The following PTPRT variants were observed in gnomAD, a reference collection of about 807,000 sequenced individuals.
The protein encoded by PTPRT is receptor-type tyrosine-protein phosphatase T.
In PTPRT, 56 loss-of-function variants were observed where a neutral mutation model predicts 176.8. The observed-to-expected ratio is 0.32, with a 90% CI of 0.26 to 0.40. The LOEUF is 0.40. Ranked by LOEUF, PTPRT falls within the 10% of genes least tolerant of loss-of-function variation. The pLI is 1.00. For synonymous variants in PTPRT, 783 were observed against 739.0 expected (o/e 1.06, Z -0.96); for missense variants, 1,540 against 1,908.2 (o/e 0.81, Z 3.60).
At chr20:42,470,507 A>T (rs1295126468) in intron 8 of PTPRT, among the ~76,000 whole-genome samples, 1 of 152,098 alleles carries the variant, frequency 6.6e-6, no homozygotes, top group Non-Finnish European at 1.5e-5. Flanking sequence ...TCTGAGTCTG[A>T]TTCTCAGGAA....
intron 1 of PTPRT, among the ~76,000 whole-genome samples, chr20:43,009,215 A>C (rs541585509): frequency 2.2e-4 from 33 of 152,196 alleles, no homozygotes; most frequent in Non-Finnish European, 4.3e-4. Context: ...ACTGAAAAAA[A>C]AGACTAAACA....
Position 42,801,678 on chromosome 20 carries a change from T to TG in PTPRT, c.215-10213dup, listed in dbSNP as rs1308631864. Reference sequence around the variant, plus strand: ...ACAAGGCAAGAACCCAGACTTGATTTGGGGGAAGAAGTATAAAAAGAAAAC... The same window carrying TG: ...ACAAGGCAAGAACCCAGACTTGATTTGGGGGGAAGAAGTATAAAAAGAAAAC... On this transcript the variant is annotated intron_variant, in intron 2 of 30. Coordinates refer to ENST00000373187, the MANE Select transcript of PTPRT (RefSeq NM_007050.6). Among the ~76,000 whole-genome samples the TG allele has an allele frequency of 2.0e-5, 3 of 152,088 alleles. No homozygotes were observed. The South Asian group carries it at 6.2e-4, about 32-fold the overall frequency.
intron 1 of PTPRT, among the ~76,000 whole-genome samples, chr20:43,106,828 T>G (rs1031209661): frequency 2.0e-5 from 3 of 152,132 alleles, no homozygotes; most frequent in Non-Finnish European, 4.4e-5. Flanking sequence ...TTCGCTCTTG[T>G]TGCCTAGGCT....
intron 11 of PTPRT, among the ~76,000 whole-genome samples, chr20:42,319,873 C>CA (rs1035487019): frequency 6.6e-6 from 1 of 152,046 alleles, no homozygotes; most frequent in Non-Finnish European, 1.5e-5. Context: ...ATCTCCAGCT[C>CA]AAAAACAGTG....
chr20:42,738,422 T>C (rs1022745571), intron 6 of PTPRT, among the ~76,000 whole-genome samples: 10 of 151,984 alleles, frequency 6.6e-5, no homozygotes, highest in African/African-American at 2.4e-4. Flanking sequence ...TGAGGTAGAA[T>C]TGCTTGAACC....
At chr20:42,132,582 C>A (rs1361184971) in intron 18 of PTPRT, among the ~76,000 whole-genome samples, 1 of 152,138 alleles carries the variant, frequency 6.6e-6, no homozygotes, top group African/African-American at 2.4e-5. Flanking sequence ...TGTTTAACAT[C>A]ATGTGTTATT....
At chr20:42,639,382 G>GA (rs2145924612) in intron 7 of PTPRT, among the ~76,000 whole-genome samples, 1 of 152,194 alleles carries the variant, frequency 6.6e-6, no homozygotes, top group South Asian at 2.1e-4. Flanking sequence ...TAAGAAACTT[G>GA]AATTTGAAAC....
At position 42,413,449 on chromosome 20, in the gene PTPRT, T is replaced by C. The variant is rs374249462; in HGVS notation, c.1560+34771A>G. On this transcript the variant is annotated intron_variant, in intron 9 of 30. Coordinates refer to ENST00000373187, the MANE Select transcript of PTPRT (RefSeq NM_007050.6). The stretch of plus-strand genomic sequence containing the variant: ...TAGGAATTCCTTTTTAAAGCTACTC[T>C]CACCCCCATAGCAAAACTTAACAAA... Among the ~76,000 whole-genome samples the C allele has an allele frequency of 2.0e-5, 3 of 152,224 alleles. No homozygotes were observed. The East Asian group carries it at 5.8e-4, about 29-fold the overall frequency.
intron 2 of PTPRT, among the ~76,000 whole-genome samples, chr20:42,852,769 C>T (rs1039090878): frequency 6.6e-6 from 1 of 152,100 alleles, no homozygotes; most frequent in Non-Finnish European, 1.5e-5. Context: ...GTTAGTGAGG[C>T]TTGTACTAAT....
chr20:42,257,722 CATG>C (rs1387174052), intron 13 of PTPRT, among the ~76,000 whole-genome samples: 1 of 146,212 alleles, frequency 6.8e-6, no homozygotes, highest in Non-Finnish European at 1.5e-5. Flanking sequence ...TGCCTTCTGT[CATG>C]ATTGGAAGCT....
At chr20:42,914,252 CT>C (rs1568677452) in intron 1 of PTPRT, among the ~76,000 whole-genome samples, 1 of 152,142 alleles carries the variant, frequency 6.6e-6, no homozygotes, top group African/African-American at 2.4e-5. Context: ...AGGGTGGTAT[CT>C]TTTCCAGTTC....
chr20:42,321,724 A>G (rs755972576), intron 11 of PTPRT, among the ~76,000 whole-genome samples: 20 of 152,192 alleles, frequency 1.3e-4, no homozygotes, highest in Non-Finnish European at 2.5e-4. Context: ...AGATCTTGTC[A>G]TCTAATTCAT....
chr20:42,891,025 G>A (rs1216271870), intron 1 of PTPRT, among the ~76,000 whole-genome samples: 5 of 152,088 alleles, frequency 3.3e-5, no homozygotes, highest in Non-Finnish European at 5.9e-5. Flanking sequence ...CACCATGATT[G>A]TGCCGCCTCC....
At chr20:42,356,584 T>A (rs2058361274) in intron 9 of PTPRT, among the ~76,000 whole-genome samples, 1 of 151,974 alleles carries the variant, frequency 6.6e-6, no homozygotes. Context: ...TAACCCCAGC[T>A]ACTCGGGAGG....
chr20:42,466,696 TAAAAC>T (rs1228410528), intron 8 of PTPRT, among the ~76,000 whole-genome samples: 2 of 152,014 alleles, frequency 1.3e-5, no homozygotes, highest in African/African-American at 4.8e-5. Flanking sequence ...GCTCATGACT[TAAAAC>T]AAAAATAAAT....
intron 29 of PTPRT, among the ~76,000 whole-genome samples, chr20:42,084,302 C>T (rs1983650316): frequency 6.6e-6 from 1 of 152,340 alleles, no homozygotes; most frequent in South Asian, 2.1e-4. Context: ...TCACTGTGCC[C>T]CTGCACAATA....
rs142469945 is a variant in PTPRT at position 42,386,875 on chromosome 20, A to C, written c.1561-34590T>G. On this transcript the variant is annotated intron_variant, in intron 9 of 30. Transcript: ENST00000373187. ...ACTCCGTCTCAAACAAACAAACAAA[A>C]AAAAAGAATTATTATCTTCATTACA... Among the ~76,000 whole-genome samples, 701 of 152,278 alleles carry C rather than the reference A, an allele frequency of 4.6e-3. 6 individuals carry two copies. The highest frequency in any genetic ancestry group is 0.014 in the African/African-American group (592 of 41,546).
chr20:42,941,984 C>T (rs1980582811), intron 1 of PTPRT, among the ~76,000 whole-genome samples: 1 of 151,578 alleles, frequency 6.6e-6, no homozygotes, highest in Admixed American at 6.6e-5. Context: ...GAAGTCATTC[C>T]TCCCATTAAA....
chr20:42,500,994 G>T (rs1435538002), intron 7 of PTPRT, among the ~76,000 whole-genome samples: 1 of 151,902 alleles, frequency 6.6e-6, no homozygotes, highest in Non-Finnish European at 1.5e-5. Context: ...ATACAAGCAG[G>T]TCATAAATCA....
Sources: gnomAD v4.1 joint callset for allele counts (sites outside exome capture counted in the v4.1 genomes callset) on GRCh38, gnomAD v4.1.1 for gene constraint, MANE v1.5 for transcripts, NCBI Gene and HGNC (gene_info 2026-07-23, HGNC 2026-07-21) for gene names.